Variants in SMC1B observed in about 807,000 individuals in gnomAD.
The protein encoded by SMC1B is structural maintenance of chromosomes 1B.
Under a neutral mutation model 157.9 loss-of-function variants are expected in SMC1B, and 60 were observed. The ratio of observed to expected loss-of-function variants is 0.38; its 90% CI spans 0.31 to 0.47. The LOEUF is 0.47. SMC1B is among the 20% of genes least tolerant of loss of function. SMC1B has a pLI of 0.99. For synonymous variants in SMC1B, 445 were observed against 483.0 expected, an observed-to-expected ratio of 0.92 and a Z score of 1.03; for missense variants, 1,165 against 1,426.2, an observed-to-expected ratio of 0.82 and a Z score of 2.95.
intron 6 of SMC1B, among the ~76,000 whole-genome samples, chr22:45,398,470 G>T (rs2087152987): frequency 6.6e-6 from 1 of 152,154 alleles, no homozygotes; most frequent in East Asian, 1.9e-4. Context: ...GTGAACGTGG[G>T]ACCAAGCAAG....
Position 45,353,893 on chromosome 22 carries a change from C to CAAAAAAAAAAA in SMC1B, c.3273+74_3273+84dup, listed in dbSNP as rs3833396. On this transcript the variant is annotated intron_variant, in intron 21 of 24. Coordinates refer to ENST00000357450, the MANE Select transcript of SMC1B (RefSeq NM_148674.5). ...TAATGTGGCAGTGGTTATTTCCCACCAAAAAAAAAAAAAAAAAAAAAAAAA... is the reference window on the plus strand; with the variant it reads ...TAATGTGGCAGTGGTTATTTCCCACCAAAAAAAAAAAAAAAAAAAAAAAAAAAAAAAAAAAA... 9.0e-3 allele frequency: 2,223 copies of CAAAAAAAAAAA among 247,430 alleles called. 625 individuals are homozygous for CAAAAAAAAAAA. The highest frequency in any genetic ancestry group is 1.0e-2 in the South Asian group (343 of 34,454). The allele number at this position is 247,430 out of a possible 1,614,324, so 15.3% of individuals were successfully genotyped here.
rs367777287 is a variant in SMC1B at position 45,393,693 on chromosome 22, G to A, written c.1486C>T (p.Arg496Cys). The A allele has an allele frequency of 8.7e-5, 140 of 1,614,020 alleles. 1 individual carries two copies. The highest frequency in any genetic ancestry group is 4.9e-4 in the South Asian group (45 of 91,076). Residue 496 changes from arginine to cysteine, a missense_variant, in exon 9 of 25, where the codon CGT becomes TGT. Coordinates refer to ENST00000357450, the MANE Select transcript of SMC1B (RefSeq NM_148674.5). ...AGAACCTCTGCTCTCTTTTGCTGAC[G>A]TTTTCCCTCATGGGTATCAATCCCA... The part of the protein sequence containing the change: ...NAGIDTHEGK[R>C]QQKRAEVLEH...
chr22:45,400,126 C>T (rs910253792), intron 5 of SMC1B, among the ~76,000 whole-genome samples: 2 of 152,028 alleles, frequency 1.3e-5, no homozygotes, highest in Admixed American at 1.3e-4. Flanking sequence ...TTCCTAGTTC[C>T]AACAGCTGAG....
chr22:45,362,343 C>A (rs887330564), intron 16 of SMC1B, among the ~76,000 whole-genome samples: 1 of 152,214 alleles, frequency 6.6e-6, no homozygotes, highest in Non-Finnish European at 1.5e-5. Context: ...TTTCCTCCTT[C>A]CTGAAACTCT....
chr22:45,406,864 C>T lies in SMC1B; in HGVS notation c.300G>A (p.Gly100=), dbSNP rs1010835919. 5.2e-6 allele frequency: 8 copies of T among 1,550,416 alleles called. No homozygotes were observed. Among genetic ancestry groups the T allele is most frequent in the Non-Finnish European group, 6.9e-6 (8 of 1,157,462 alleles). The change falls in exon 3 of 25, where the codon GGG becomes GGA. Residue 100 remains glycine, a splice_region_variant and synonymous_variant. Coordinates refer to ENST00000357450, the MANE Select transcript of SMC1B (RefSeq NM_148674.5). ...EEKTFARIIR[G]GCSEFRFNDN... ...CATTAAAGCGAAATTCTGAGCATCC[C>T]CCTAAAATAAAAAAATAAACCCTGT... is the stretch of plus-strand genomic sequence containing the variant.
At chr22:45,373,318 C>T (rs1451712858) in intron 12 of SMC1B, among the ~76,000 whole-genome samples, 1 of 152,170 alleles carries the variant, frequency 6.6e-6, no homozygotes, top group Non-Finnish European at 1.5e-5. Flanking sequence ...AAGATACCTT[C>T]GGTTTACAAT....
chr22:45,405,026 T>A (rs888986772), intron 4 of SMC1B, among the ~76,000 whole-genome samples: 1 of 152,126 alleles, frequency 6.6e-6, no homozygotes, highest in African/African-American at 2.4e-5. Context: ...CTAATTTAGA[T>A]TGGAGGAATG....
At chr22:45,396,648 G>C (rs2087127803) in intron 6 of SMC1B, among the ~76,000 whole-genome samples, 162 bp from the exon 7 acceptor site, 1 of 151,940 alleles carries the variant, frequency 6.6e-6, no homozygotes, top group Non-Finnish European at 1.5e-5. Flanking sequence ...AATAATGTGA[G>C]CATGAAAGCT....
chr22:45,375,846 T>TTATC (rs1237493800), intron 12 of SMC1B, among the ~76,000 whole-genome samples: 1 of 152,156 alleles, frequency 6.6e-6, no homozygotes, highest in African/African-American at 2.4e-5. Context: ...CATTTAGATA[T>TTATC]TATATATTTA....
At chr22:45,361,619 C>T (rs1470075752) in intron 17 of SMC1B, among the ~76,000 whole-genome samples, 3 of 152,056 alleles carry the variant, frequency 2.0e-5, no homozygotes, top group Non-Finnish European at 4.4e-5. Context: ...AGGGAGACTC[C>T]GTCTGAAGAA....
chr22:45,359,874 A>G lies in SMC1B; in HGVS notation c.2793T>C (p.Leu931=), dbSNP rs2086704365. The G allele has an allele frequency of 1.2e-6, 2 of 1,614,064 alleles. No individual in the cohort carries two copies. The highest frequency in any genetic ancestry group is 1.7e-5 in the Admixed American group (1 of 60,012). The change falls in exon 18 of 25, where the codon CTT becomes CTC. Residue 931 remains leucine (L), a synonymous_variant. Transcript: ENST00000357450. ...TCTCAATGTCTTGCACTTTGCAATCAAGCAGCAAGTTATGCTTCTCTAATC... is the reference window on the plus strand; with the variant it reads ...TCTCAATGTCTTGCACTTTGCAATCGAGCAGCAAGTTATGCTTCTCTAATC... ...QKRLEKHNLL[L]DCKVQDIEII... is the part of the protein sequence containing the mutation.
intron 4 of SMC1B, among the ~76,000 whole-genome samples, chr22:45,402,957 C>T (rs2087214146): frequency 6.6e-6 from 1 of 152,142 alleles, no homozygotes; most frequent in African/African-American, 2.4e-5. Flanking sequence ...AATTCAATGA[C>T]TCCAGGAAAA....
chr22:45,348,304 C>A (rs1190465955), intron 23 of SMC1B, among the ~76,000 whole-genome samples: 1 of 152,178 alleles, frequency 6.6e-6, no homozygotes. Context: ...GTAATCCCAG[C>A]ACTTTGGGAG....
In SMC1B at chr22:45,372,300, G is replaced by A; in HGVS notation, c.2059-8C>T. 6.4e-7 allele frequency: 1 copy of A among 1,565,822 alleles called. No individual in the cohort carries two copies. Among genetic ancestry groups the A allele is most frequent in the Non-Finnish European group, 8.6e-7 (1 of 1,161,784 alleles). ...GAGTGTCTTCATTAAACCCTAAAAGGAAAGAAAAACATGAGAATATTTTAT... is the reference window on the plus strand; with the variant it reads ...GAGTGTCTTCATTAAACCCTAAAAGAAAAGAAAAACATGAGAATATTTTAT... On this transcript the variant is annotated splice_region_variant and splice_polypyrimidine_tract_variant and intron_variant, in intron 12 of 24. Transcript: ENST00000357450.
At chr22:45,358,364 T>C (rs191123739) in intron 19 of SMC1B, among the ~76,000 whole-genome samples, 119 of 152,288 alleles carry the variant, frequency 7.8e-4, no homozygotes, top group African/African-American at 2.7e-3. Flanking sequence ...GGACTTGTGA[T>C]TGGTATCTGA....
intron 4 of SMC1B, among the ~76,000 whole-genome samples, chr22:45,405,376 G>A (rs912452793): frequency 6.6e-6 from 1 of 151,802 alleles, no homozygotes; most frequent in Non-Finnish European, 1.5e-5. Context: ...GTGAAACCCC[G>A]TCTCTACTAA....
chr22:45,413,371 G>A, intron 1 of SMC1B, 88 bp downstream of exon 1: 1 of 1,055,068 alleles, frequency 9.5e-7, no homozygotes, highest in Non-Finnish European at 1.4e-6. Flanking sequence ...GGCGCCCGCG[G>A]CAGACGCCCA....
At position 45,344,104 on chromosome 22, in the gene SMC1B, C is replaced by G. The variant is rs1239867016; in HGVS notation, c.*452G>C. On this transcript the variant is annotated 3_prime_UTR_variant, in exon 25 of 25. Transcript: ENST00000357450. ...TTTTTATTGATATTTTCAATACTAA[C>G]ATAGTTTCTCTGAAACAATTTCCCA... The G allele has an allele frequency of 6.6e-6, 1 of 152,288 alleles. No homozygotes were observed. Among genetic ancestry groups the G allele is most frequent in the African/African-American group, 2.4e-5 (1 of 41,444 alleles). 9.4% of individuals were successfully genotyped at this position (152,288 alleles called of 1,614,324 possible).
At chr22:45,391,967 T>C (rs535017113) in intron 9 of SMC1B, among the ~76,000 whole-genome samples, 2 of 152,168 alleles carry the variant, frequency 1.3e-5, no homozygotes, top group Non-Finnish European at 2.9e-5. Flanking sequence ...TTTTTGTTTT[T>C]GTTTTTTTGA....
Sources: allele counts gnomAD v4.1 joint callset (sites outside exome capture counted in the v4.1 genomes callset), GRCh38; gene constraint gnomAD v4.1.1; transcripts MANE v1.5; gene names NCBI Gene and HGNC (gene_info 2026-07-23, HGNC 2026-07-21).